Variants in SLC22A2 observed in about 807,000 individuals in gnomAD.
The protein encoded by SLC22A2 is solute carrier family 22 member 2.
In SLC22A2, 46 loss-of-function variants were observed where a neutral mutation model predicts 60.5. The observed-to-expected ratio is 0.76, with a 90% CI of 0.60 to 0.97. The LOEUF (loss-of-function observed/expected upper bound fraction) is 0.97, where lower values mean the gene tolerates loss of function less well. Ranked by LOEUF, SLC22A2 falls within the 50% of genes least tolerant of loss-of-function variation. The pLI, the probability that SLC22A2 is intolerant of heterozygous loss-of-function variation, is 0.00. For synonymous variants in SLC22A2, 303 were observed against 267.0 expected (o/e 1.13, Z -1.31); for missense variants, 701 against 706.6 (o/e 0.99, Z 0.09).
At chr6:160,249,462 A>G (rs316018) in intron 3 of SLC22A2, 78 bp from the exon 4 acceptor site, 800,723 of 1,043,258 alleles carry the variant, frequency 0.77, 309,866 homozygotes, top group Admixed American at 0.86. Flanking sequence ...AAACTAGAAC[A>G]CCAACCTCAA....
intron 3 of SLC22A2, among the ~76,000 whole-genome samples, chr6:160,249,927 G>A (rs1783156571): frequency 6.6e-6 from 1 of 152,150 alleles, no homozygotes; most frequent in African/African-American, 2.4e-5. Context: ...ACAAGCTGGT[G>A]GTTCAACCCG....
intron 6 of SLC22A2, chr6:160,244,080 G>A (rs182213197): frequency 1.1e-4 from 33 of 302,400 alleles, no homozygotes; most frequent in African/African-American, 7.0e-4. Flanking sequence ...TTAATGGAAT[G>A]ATTTATTTTA....
At chr6:160,250,489 ACT>A in intron 3 of SLC22A2, 57 bp downstream of exon 3, 1 of 1,564,072 alleles carries the variant, frequency 6.4e-7, no homozygotes, top group Non-Finnish European at 8.8e-7. Context: ...CCCCCACCTG[ACT>A]CTATTTTGGC....
At chr6:160,248,208 A>G (rs1277348276) in intron 4 of SLC22A2, among the ~76,000 whole-genome samples, 3 of 152,184 alleles carry the variant, frequency 2.0e-5, no homozygotes, top group African/African-American at 7.2e-5. Context: ...TGGGGCCCCC[A>G]GATATCCTTA....
chr6:160,248,733 T>C (rs1783136306), intron 4 of SLC22A2, among the ~76,000 whole-genome samples: 1 of 152,220 alleles, frequency 6.6e-6, no homozygotes, highest in South Asian at 2.1e-4. Flanking sequence ...ATGGTCTGTC[T>C]GGAGTGTCAT....
rs1264701063 is a variant in SLC22A2 at position 160,243,795 on chromosome 6, A to G, written c.1065-9T>C. On this transcript the variant is annotated splice_polypyrimidine_tract_variant and intron_variant, in intron 6 of 10. Coordinates refer to ENST00000366953, the MANE Select transcript of SLC22A2 (RefSeq NM_003058.4). ...GCACAGAGCTCGTGAACCTGAGCAA[A>G]GAGGAGAGTTCAGGTCAAGTCAAGC... 1 of 1,604,996 alleles carries G rather than the reference A, an allele frequency of 6.2e-7. No individual in the cohort carries two copies. Among genetic ancestry groups the G allele is most frequent in the East Asian group, 2.2e-5 (1 of 44,826 alleles).
At chr6:160,257,418 AGTTATT>A (rs1783291896) in intron 1 of SLC22A2, among the ~76,000 whole-genome samples, 1 of 152,108 alleles carries the variant, frequency 6.6e-6, no homozygotes, top group East Asian at 1.9e-4. Flanking sequence ...AACCCTGCTA[AGTTATT>A]CACTGTGTGG....
chr6:160,243,883 T>A, intron 6 of SLC22A2, 97 bp from the exon 7 acceptor site: 2 of 772,916 alleles, frequency 2.6e-6, no homozygotes, highest in East Asian at 5.3e-5. Context: ...GTAGGTCACC[T>A]TTCCCTGTGA....
intron 10 of SLC22A2, among the ~76,000 whole-genome samples, chr6:160,218,700 C>T (rs796743338): frequency 4.0e-5 from 1 of 24,754 alleles, no homozygotes; most frequent in Non-Finnish European, 7.7e-5. Context: ...TCAGCAGCAG[C>T]AGCAACAGCA....
chr6:160,240,032 G>A (rs888035000), intron 9 of SLC22A2, among the ~76,000 whole-genome samples: 5 of 152,074 alleles, frequency 3.3e-5, no homozygotes, highest in African/African-American at 4.8e-5. Flanking sequence ...CCCTGATAAC[G>A]GAAATGAGTG....
chr6:160,237,643 C>T (rs560689466), intron 9 of SLC22A2, among the ~76,000 whole-genome samples: 1 of 152,250 alleles, frequency 6.6e-6, no homozygotes, highest in East Asian at 1.9e-4. Flanking sequence ...TAAGAGTTCT[C>T]TTACAAAAGG....
At chr6:160,241,958 T>A (rs1378315180) in intron 8 of SLC22A2, among the ~76,000 whole-genome samples, 1 of 151,838 alleles carries the variant, frequency 6.6e-6, no homozygotes, top group African/African-American at 2.4e-5. Context: ...TTTTTAATGA[T>A]GGGAGGAGCA....
At chr6:160,224,021 C>A (rs1397839552) in intron 10 of SLC22A2, among the ~76,000 whole-genome samples, 2 of 152,316 alleles carry the variant, frequency 1.3e-5, no homozygotes, top group Middle Eastern at 3.4e-3. Context: ...TGAGCCACTG[C>A]ACCCAGCCCA....
In SLC22A2 at chr6:160,224,701, C is replaced by T. The variant is rs200845394; in HGVS notation, c.1601+4G>A. ...CAATTCATTTAGAACTTTCAACTGCCTACCTTTGCATATTTTCGGCTTCCT... is the reference window on the plus strand; with the variant it reads ...CAATTCATTTAGAACTTTCAACTGCTTACCTTTGCATATTTTCGGCTTCCT... On this transcript the variant is annotated splice_donor_region_variant and intron_variant, in intron 10 of 10. Coordinates refer to ENST00000366953, the MANE Select transcript of SLC22A2 (RefSeq NM_003058.4). 6.3e-7 allele frequency: 1 copy of T among 1,592,450 alleles called. No homozygotes were observed. The highest frequency in any genetic ancestry group is 2.2e-5 in the East Asian group (1 of 44,506).
intron 9 of SLC22A2, among the ~76,000 whole-genome samples, chr6:160,232,643 C>G (rs1782843264): frequency 6.6e-6 from 1 of 151,754 alleles, no homozygotes; most frequent in Admixed American, 6.6e-5. Flanking sequence ...CAAAGGCCAT[C>G]AAAAGGCACC....
intron 9 of SLC22A2, among the ~76,000 whole-genome samples, chr6:160,236,700 C>T (rs1354485279): frequency 1.3e-5 from 2 of 152,116 alleles, no homozygotes; most frequent in East Asian, 1.9e-4. Flanking sequence ...TGACATCATA[C>T]CTTGTCTACA....
At chr6:160,226,201 C>A (rs73602417) in intron 9 of SLC22A2, among the ~76,000 whole-genome samples, 1 of 152,154 alleles carries the variant, frequency 6.6e-6, no homozygotes, top group African/African-American at 2.4e-5. Flanking sequence ...ACTGACTCAG[C>A]GCAAGACAGC....
At chr6:160,240,690 C>G (rs1334734741) in intron 9 of SLC22A2, among the ~76,000 whole-genome samples, 1 of 152,140 alleles carries the variant, frequency 6.6e-6, no homozygotes, top group Non-Finnish European at 1.5e-5. Flanking sequence ...CCTTTACACC[C>G]TCATGTACAT....
intron 9 of SLC22A2, among the ~76,000 whole-genome samples, chr6:160,232,579 A>G (rs1782842158): frequency 6.6e-6 from 1 of 151,456 alleles, no homozygotes; most frequent in Non-Finnish European, 1.5e-5. Flanking sequence ...TCTTTAAAAA[A>G]AAAACATTTC....
Sources: gnomAD v4.1 joint callset for allele counts (sites outside exome capture counted in the v4.1 genomes callset) on GRCh38, gnomAD v4.1.1 for gene constraint, MANE v1.5 for transcripts, NCBI Gene and HGNC (gene_info 2026-07-23, HGNC 2026-07-21) for gene names.